Variants in ABTB3 observed in about 807,000 individuals in gnomAD.
The protein encoded by ABTB3 is ankyrin repeat- and BTB/POZ domain-containing protein 3.
chr12:107,454,304 T>G, the ABTB3 span, among the ~76,000 whole-genome samples: 1 of 152,204 alleles, frequency 6.6e-6, no homozygotes, highest in African/African-American at 2.4e-5. Flanking sequence ...GTGAGGCCCC[T>G]TGTTAAAAAT....
At chr12:107,383,569 A>G in the ABTB3 span, among the ~76,000 whole-genome samples, 1 of 152,160 alleles carries the variant, frequency 6.6e-6, no homozygotes, top group South Asian at 2.1e-4. Context: ...TCCAGCACAT[A>G]GTAAGTGGTC....
At chr12:107,419,142 T>C in the ABTB3 span, among the ~76,000 whole-genome samples, 3,875 of 152,362 alleles carry the variant, frequency 0.025, 132 homozygotes, top group African/African-American at 0.081. Flanking sequence ...TCAACTCACA[T>C]GATCACATGA....
At chr12:107,350,800 G>A in the ABTB3 span, among the ~76,000 whole-genome samples, 14 of 152,256 alleles carry the variant, frequency 9.2e-5, no homozygotes, top group African/African-American at 3.4e-4. Flanking sequence ...ATTGAACATG[G>A]TCTAACAGCA....
chr12:107,581,059 G>T, the ABTB3 span: 1 of 1,542,390 alleles, frequency 6.5e-7, no homozygotes, highest in Non-Finnish European at 8.7e-7. Flanking sequence ...GGAGATGGGG[G>T]GATCCCCGCG....
chr12:107,378,633 C>T, the ABTB3 span, among the ~76,000 whole-genome samples: 10 of 152,148 alleles, frequency 6.6e-5, no homozygotes, highest in South Asian at 2.1e-4. Context: ...TGTCCCCTTA[C>T]GGCCCTCATT....
the ABTB3 span, among the ~76,000 whole-genome samples, chr12:107,540,353 T>G: frequency 8.5e-5 from 13 of 152,130 alleles, no homozygotes; most frequent in Non-Finnish European, 1.9e-4. Context: ...TTTTGTTCTA[T>G]CCAGGCCTCG....
chr12:107,545,020 A>T, the ABTB3 span, among the ~76,000 whole-genome samples: 9 of 152,288 alleles, frequency 5.9e-5, no homozygotes, highest in Admixed American at 2.0e-4. Context: ...TGTAGATATG[A>T]TCTGCATATA....
chr12:107,319,754 C>G, the ABTB3 span: 4 of 1,510,554 alleles, frequency 2.6e-6, no homozygotes, highest in Non-Finnish European at 3.5e-6. Flanking sequence ...GGGCTCCGGC[C>G]CAGGCCCGAG....
At chr12:107,502,688 C>A in the ABTB3 span, among the ~76,000 whole-genome samples, 4 of 152,118 alleles carry the variant, frequency 2.6e-5, no homozygotes, top group Non-Finnish European at 5.9e-5. Context: ...GCATTACCAC[C>A]TGAGTGCCGC....
the ABTB3 span, among the ~76,000 whole-genome samples, chr12:107,645,343 C>T: frequency 6.6e-6 from 1 of 152,120 alleles, no homozygotes; most frequent in African/African-American, 2.4e-5. Flanking sequence ...CCACTGCTGC[C>T]CCTCACCTTA....
chr12:107,581,316 G>A, the ABTB3 span: 5 of 1,324,656 alleles, frequency 3.8e-6, no homozygotes, highest in Admixed American at 4.2e-5. Context: ...TAGGCGCGGG[G>A]GCGGGCGGGG....
the ABTB3 span, among the ~76,000 whole-genome samples, chr12:107,420,697 C>T: frequency 6.6e-6 from 1 of 152,142 alleles, no homozygotes; most frequent in Non-Finnish European, 1.5e-5. Flanking sequence ...GGAAACAGCC[C>T]TGACTTTAGG....
At chr12:107,461,080 G>A in the ABTB3 span, among the ~76,000 whole-genome samples, 11 of 152,114 alleles carry the variant, frequency 7.2e-5, no homozygotes, top group Non-Finnish European at 1.6e-4. Context: ...AGAAGCAAAG[G>A]CACGTCCTAC....
the ABTB3 span, among the ~76,000 whole-genome samples, chr12:107,378,904 G>A: frequency 6.6e-6 from 1 of 152,204 alleles, no homozygotes; most frequent in South Asian, 2.1e-4. Flanking sequence ...TGCATCTGAT[G>A]TGAGAGCCAC....
At chr12:107,640,293 T>C in the ABTB3 span, 1 of 1,434,724 alleles carries the variant, frequency 7.0e-7, no homozygotes, top group Non-Finnish European at 9.7e-7. Context: ...CTACCTTTTT[T>C]TCCCTTTCCT....
At chr12:107,437,680 G>A in the ABTB3 span, among the ~76,000 whole-genome samples, 1 of 152,120 alleles carries the variant, frequency 6.6e-6, no homozygotes, top group Admixed American at 6.5e-5. Flanking sequence ...GGAATCACGG[G>A]TGTGAGCCAC....
chr12:107,322,941 C>G, the ABTB3 span, among the ~76,000 whole-genome samples: 182 of 152,242 alleles, frequency 1.2e-3, no homozygotes, highest in African/African-American at 4.2e-3. Context: ...ACTTTTTGTT[C>G]CTATCAAATG....
At chr12:107,514,487 T>C in the ABTB3 span, among the ~76,000 whole-genome samples, 1 of 152,182 alleles carries the variant, frequency 6.6e-6, no homozygotes, top group Non-Finnish European at 1.5e-5. Context: ...CAAACTCATA[T>C]TTGAACCTCA....
the ABTB3 span, among the ~76,000 whole-genome samples, chr12:107,433,823 A>G: frequency 1.3e-5 from 2 of 152,188 alleles, no homozygotes; most frequent in Admixed American, 6.5e-5. Context: ...GCTTATAAAC[A>G]ACAGAAACCT....
Sources: allele counts gnomAD v4.1 joint callset (sites outside exome capture counted in the v4.1 genomes callset), GRCh38; gene constraint gnomAD v4.1.1; transcripts MANE v1.5; gene names NCBI Gene and HGNC (gene_info 2026-07-23, HGNC 2026-07-21).